The following SKAP1 variants were observed in gnomAD, a reference collection of about 807,000 sequenced individuals.
The protein encoded by SKAP1 is src kinase associated phosphoprotein 1, also known as src kinase-associated phosphoprotein 1.
A neutral mutation model predicts 58.5 loss-of-function variants in SKAP1; 44 were observed. The observed-to-expected ratio is 0.75, with a 90% confidence interval of 0.59 to 0.97. SKAP1 has a LOEUF of 0.97. Ranked by LOEUF, SKAP1 falls within the 50% of genes least tolerant of loss-of-function variation. SKAP1 has a pLI of 0.00. For missense variants in SKAP1, 390 were observed against 435.2 expected, an observed-to-expected ratio of 0.90 and a Z score of 0.92; for synonymous variants, 127 against 149.7, an observed-to-expected ratio of 0.85 and a Z score of 1.11.
chr17:48,444,869 T>C, the SKAP1 span, among the ~76,000 whole-genome samples: 1 of 152,266 alleles, frequency 6.6e-6, no homozygotes, highest in South Asian at 2.1e-4. Context: ...CCCATAATCA[T>C]GCATGAGCAG....
chr17:48,279,448 C>T (rs1176987939), intron 4 of SKAP1, among the ~76,000 whole-genome samples: 4 of 152,112 alleles, frequency 2.6e-5, no homozygotes, highest in African/African-American at 9.7e-5. Flanking sequence ...ACTAACAGCT[C>T]CAATCGGATC....
At chr17:48,286,537 T>C (rs975744925) in intron 4 of SKAP1, among the ~76,000 whole-genome samples, 6 of 152,208 alleles carry the variant, frequency 3.9e-5, no homozygotes, top group Non-Finnish European at 1.5e-5. Context: ...TCAAATAGTA[T>C]ATGTGGGATC....
chr17:48,400,833 C>A (rs12952824), intron 1 of SKAP1, among the ~76,000 whole-genome samples: 30,223 of 151,968 alleles, frequency 0.2, 3,078 homozygotes, highest in Non-Finnish European at 0.22. Context: ...AGAACATATT[C>A]TATGTTCATG....
intron 2 of SKAP1, among the ~76,000 whole-genome samples, chr17:48,371,282 A>G (rs1443047238): frequency 2.0e-5 from 3 of 152,196 alleles, no homozygotes; most frequent in Non-Finnish European, 2.9e-5. Context: ...CCAAAATAAA[A>G]GTTGAAATTG....
chr17:48,378,326 T>G (rs2067176194), intron 2 of SKAP1, among the ~76,000 whole-genome samples: 1 of 152,180 alleles, frequency 6.6e-6, no homozygotes, highest in Non-Finnish European at 1.5e-5. Context: ...AGCTGAGACT[T>G]TTGCTGCAGC....
At chr17:48,415,875 T>G (rs2067726341) in intron 1 of SKAP1, among the ~76,000 whole-genome samples, 1 of 151,616 alleles carries the variant, frequency 6.6e-6, no homozygotes, top group Non-Finnish European at 1.5e-5. Flanking sequence ...GGATAAAGAG[T>G]GCACTCCCCC....
chr17:48,393,806 G>A (rs1474898744), intron 2 of SKAP1, among the ~76,000 whole-genome samples: 1 of 152,010 alleles, frequency 6.6e-6, no homozygotes, highest in Non-Finnish European at 1.5e-5. Flanking sequence ...CATTTATCTA[G>A]TAGTGGCTTT....
intron 2 of SKAP1, among the ~76,000 whole-genome samples, chr17:48,366,862 G>A (rs1309249003): frequency 1.3e-5 from 2 of 152,016 alleles, no homozygotes; most frequent in South Asian, 2.1e-4. Flanking sequence ...ACATGTGTAC[G>A]TACACTCTCT....
chr17:48,295,175 G>T (rs1001213779), intron 4 of SKAP1, among the ~76,000 whole-genome samples: 1 of 152,098 alleles, frequency 6.6e-6, no homozygotes, highest in Non-Finnish European at 1.5e-5. Flanking sequence ...CGAAGCAACT[G>T]GGCAAAGGAA....
At chr17:48,229,011 C>G (rs1219660142) in intron 4 of SKAP1, among the ~76,000 whole-genome samples, 2 of 152,084 alleles carry the variant, frequency 1.3e-5, no homozygotes, top group African/African-American at 4.8e-5. Flanking sequence ...ACCTCTCTGC[C>G]TCTTCTCAGC....
At chr17:48,250,670 AT>A (rs2098119142) in intron 4 of SKAP1, among the ~76,000 whole-genome samples, 1 of 152,138 alleles carries the variant, frequency 6.6e-6, no homozygotes, top group African/African-American at 2.4e-5. Context: ...CTAAAAAAAA[AT>A]AGTGTTTTGG....
chr17:48,370,420 C>T (rs143412026), intron 2 of SKAP1, among the ~76,000 whole-genome samples: 1 of 152,208 alleles, frequency 6.6e-6, no homozygotes, highest in African/African-American at 2.4e-5. Context: ...ATCCTCCCCA[C>T]CTCAGCCTCC....
rs766912367 is a variant in SKAP1 at position 48,180,073 on chromosome 17, ATCT to A, written c.804_806del (p.Glu268del). On this transcript the variant is annotated inframe_deletion, in exon 9 of 13. Coordinates refer to ENST00000336915, the MANE Select transcript of SKAP1 (RefSeq NM_003726.4). The stretch of plus-strand genomic sequence containing the variant: ...TCTCACCTGGCAAGACTTCATAAAT[ATCT>A]TCTTCTTCTTTCTCCTCTGTAGGCT... 65 of 1,593,184 alleles carry A rather than the reference ATCT, an allele frequency of 4.1e-5. No individual in the cohort carries two copies. The highest frequency in any genetic ancestry group is 1.6e-4 in the East Asian group (7 of 44,596).
chr17:48,301,345 A>C (rs1258981041), intron 4 of SKAP1, among the ~76,000 whole-genome samples: 1 of 152,084 alleles, frequency 6.6e-6, no homozygotes, highest in Non-Finnish European at 1.5e-5. Flanking sequence ...ATATCCAACA[A>C]ATTATAAATT....
chr17:48,334,667 TATA>T (rs1366190435), intron 4 of SKAP1, among the ~76,000 whole-genome samples: 2 of 151,864 alleles, frequency 1.3e-5, no homozygotes, highest in African/African-American at 4.8e-5. Context: ...CTAACCTGAT[TATA>T]GTTAAATCTC....
At chr17:48,338,881 AACGAC>A (rs1352361544) in intron 4 of SKAP1, among the ~76,000 whole-genome samples, 3 of 152,188 alleles carry the variant, frequency 2.0e-5, no homozygotes, top group African/African-American at 7.2e-5. Context: ...AGACTATATA[AACGAC>A]ATGATTTCTT....
intron 2 of SKAP1, among the ~76,000 whole-genome samples, chr17:48,375,683 A>C (rs1376545157): frequency 6.6e-6 from 1 of 152,242 alleles, no homozygotes; most frequent in Non-Finnish European, 1.5e-5. Flanking sequence ...TGAACTAATA[A>C]AGGAAAAATG....
chr17:48,216,379 C>A (rs918375560), intron 4 of SKAP1, among the ~76,000 whole-genome samples: 2 of 152,162 alleles, frequency 1.3e-5, no homozygotes, highest in African/African-American at 4.8e-5. Context: ...GTGATAACTG[C>A]AAAGCCACTA....
chr17:48,195,504 T>C (rs1207894702), intron 4 of SKAP1, among the ~76,000 whole-genome samples: 1 of 152,176 alleles, frequency 6.6e-6, no homozygotes, highest in Non-Finnish European at 1.5e-5. Context: ...TCTAAAACAT[T>C]AGTAATAGAT....
Sources: gnomAD v4.1 joint callset for allele counts (sites outside exome capture counted in the v4.1 genomes callset) on GRCh38, gnomAD v4.1.1 for gene constraint, MANE v1.5 for transcripts, NCBI Gene and HGNC (gene_info 2026-07-23, HGNC 2026-07-21) for gene names.